The following DNMBP variants were observed in gnomAD, a reference collection of about 807,000 sequenced individuals.
DNMBP encodes dynamin binding protein.
In DNMBP, 87 loss-of-function variants were observed where a neutral mutation model predicts 150.0. The observed-to-expected ratio is 0.58, with a 90% CI of 0.49 to 0.69. The LOEUF (loss-of-function observed/expected upper bound fraction) is 0.69, where lower values mean the gene tolerates loss of function less well. DNMBP is among the 30% of genes least tolerant of loss of function. The pLI is 0.00. For synonymous variants in DNMBP, 711 were observed against 750.4 expected (o/e 0.95, Z 0.86); for missense variants, 1,774 against 1,949.0 (o/e 0.91, Z 1.69).
chr10:100,000,859 CAAAAAAAAA>C (rs36026874), intron 1 of DNMBP, among the ~76,000 whole-genome samples: 1 of 52,510 alleles, frequency 1.9e-5, no homozygotes, highest in Non-Finnish European at 4.0e-5. Context: ...CCTGTTATGG[CAAAAAAAAA>C]AAAAAAAAAA....
At chr10:99,915,363 A>G (rs962780123) in intron 4 of DNMBP, among the ~76,000 whole-genome samples, 7 of 150,578 alleles carry the variant, frequency 4.6e-5, no homozygotes, top group African/African-American at 1.2e-4. Flanking sequence ...TGGGGACTCA[A>G]ACTTAACCAG....
At chr10:99,968,517 T>C (rs914234858) in intron 3 of DNMBP, among the ~76,000 whole-genome samples, 1 of 151,742 alleles carries the variant, frequency 6.6e-6, no homozygotes, top group Non-Finnish European at 1.5e-5. Flanking sequence ...CAAAACCCCA[T>C]CTCTACCAAA....
intron 5 of DNMBP, among the ~76,000 whole-genome samples, chr10:99,908,483 G>A (rs763518671): frequency 1.3e-4 from 20 of 152,328 alleles, no homozygotes; most frequent in Non-Finnish European, 2.6e-4. Context: ...AAGCAACAAG[G>A]ACTATAAACC....
intron 4 of DNMBP, among the ~76,000 whole-genome samples, chr10:99,947,491 A>C (rs1308614706): frequency 1.3e-5 from 2 of 149,768 alleles, no homozygotes; most frequent in Non-Finnish European, 3.0e-5. Context: ...GTTTTCACTT[A>C]TAAGTGGGAG....
At chr10:99,909,222 A>C in intron 4 of DNMBP, 76 bp from the exon 5 acceptor site, 1 of 1,227,834 alleles carries the variant, frequency 8.1e-7, no homozygotes, top group Non-Finnish European at 1.1e-6. Flanking sequence ...GGCAAACAGA[A>C]CCCATTTCCT....
Position 99,956,108 on chromosome 10 carries a change from A to G in DNMBP, c.1366T>C (p.Tyr456His). The G allele has an allele frequency of 6.2e-7, 1 of 1,614,178 alleles. No homozygotes were observed. Reference protein sequence around the residue: ...LLPLEARTRDYASLPPKRMYS... With the variant: ...LLPLEARTRDHASLPPKRMYS... ...ATTCTTTTGGGAGGTAGGCTGGCAT[A>G]GTCTCTAGTCCTTGCTTCTAGGGGA... Residue 456 changes from tyrosine (Y) to histidine (H), a missense_variant, in exon 4 of 17, where the codon TAT becomes CAT. Tyr to His is a moderately conservative substitution (Grantham distance 83). Around this residue, in one of 2 missense-constraint regions of DNMBP, gnomAD observed 1,430 missense variants for 1,492.5 expected, o/e 0.96. Transcript: ENST00000324109.
Position 99,877,059 on chromosome 10 carries a change from G to A in DNMBP, c.*92C>T. 1 of 1,168,438 alleles carries A rather than the reference G, an allele frequency of 8.6e-7. No individual in the cohort carries two copies. Among genetic ancestry groups the A allele is most frequent in the Non-Finnish European group, 1.2e-6 (1 of 821,352 alleles). The allele number at this position is 1,168,438 out of a possible 1,614,324, so 72.4% of individuals were successfully genotyped here. ...GTTAAGCAACGCAGACAGGGCCTGT[G>A]TCTCAGGAGCAGGCGCCCTCTCGGT... is the stretch of plus-strand genomic sequence containing the variant. On this transcript the variant is annotated 3_prime_UTR_variant, in exon 17 of 17. Coordinates refer to ENST00000324109, the MANE Select transcript of DNMBP (RefSeq NM_015221.4).
intron 1 of DNMBP, 49 bp from the exon 2 acceptor site, chr10:99,972,183 T>C: frequency 6.8e-7 from 1 of 1,472,300 alleles, no homozygotes; most frequent in Non-Finnish European, 9.2e-7. Flanking sequence ...TTTAAGACAC[T>C]GCAATATAGA....
intron 10 of DNMBP, among the ~76,000 whole-genome samples, chr10:99,895,274 G>A (rs2039636456): frequency 6.6e-6 from 1 of 152,000 alleles, no homozygotes; most frequent in African/African-American, 2.4e-5. Context: ...TTACAGGCTT[G>A]CATCACCACG....
chr10:99,930,500 T>A, intron 4 of DNMBP: 2 of 703,016 alleles, frequency 2.8e-6, no homozygotes, highest in Non-Finnish European at 5.2e-6. Flanking sequence ...CACAGCCCTT[T>A]CCACTTTCAT....
In DNMBP at chr10:99,907,158, C is replaced by CA. The variant is rs375650729; in HGVS notation, c.2554+836dup. On this transcript the variant is annotated intron_variant, in intron 6 of 16. Coordinates refer to ENST00000324109, the MANE Select transcript of DNMBP (RefSeq NM_015221.4). ...GCAACATGGCAAAACTCCATCTCTA[C>CA]AAAAAAAAAATTACAAAAATTAGCT... 1.7e-3 allele frequency among the ~76,000 whole-genome samples: 253 copies of CA among 147,774 alleles called. 2 individuals are homozygous for CA. The highest frequency in any genetic ancestry group is 5.6e-3 in the African/African-American group (228 of 40,472).
At chr10:100,001,429 T>TG (rs11397912) in intron 1 of DNMBP, among the ~76,000 whole-genome samples, 86 of 144,388 alleles carry the variant, frequency 6.0e-4, no homozygotes, top group Middle Eastern at 3.6e-3. Flanking sequence ...TTTTTTTTTT[T>TG]GAGACAGGGT....
At chr10:99,881,089 G>A (rs1041616819) in intron 15 of DNMBP, among the ~76,000 whole-genome samples, 3 of 152,128 alleles carry the variant, frequency 2.0e-5, no homozygotes, top group Non-Finnish European at 4.4e-5. Context: ...TTAGCCGGAT[G>A]TGGTGGTGCG....
At chr10:99,922,502 GTTTTTTTTT>G (rs71189108) in intron 4 of DNMBP, among the ~76,000 whole-genome samples, 1 of 78,774 alleles carries the variant, frequency 1.3e-5, no homozygotes, top group South Asian at 5.5e-4. Flanking sequence ...AGCTGCTGCT[GTTTTTTTTT>G]TTTTTTTTTT....
Position 99,876,256 on chromosome 10 carries a change from CTG to C in DNMBP, c.*893_*894del, listed in dbSNP as rs1374545035. ...CAGGGGGGCCACCAGACATCACAGA[CTG>C]TGTAAAGACCATCAGAAAGGTGTCA... is the stretch of plus-strand genomic sequence containing the variant. On this transcript the variant is annotated 3_prime_UTR_variant, in exon 17 of 17. Transcript: ENST00000324109. 1.3e-5 allele frequency: 2 copies of C among 152,174 alleles called. No homozygotes were observed. Among genetic ancestry groups the C allele is most frequent in the African/African-American group, 4.8e-5 (2 of 41,422 alleles). The allele number at this position is 152,174 out of a possible 1,614,324, so 9.4% of individuals were successfully genotyped here. A position where few individuals can be genotyped will look rare whatever the true frequency, so the allele number is the denominator to read the frequency against.
chr10:99,957,303 A>C, intron 3 of DNMBP, 98 bp from the exon 4 acceptor site: 3 of 1,026,144 alleles, frequency 2.9e-6, no homozygotes, highest in Non-Finnish European at 4.2e-6. Context: ...CAGCTACCAA[A>C]TTCAAGGAAA....
chr10:99,906,276 C>T (rs149777117), intron 6 of DNMBP, among the ~76,000 whole-genome samples: 7 of 152,194 alleles, frequency 4.6e-5, no homozygotes, highest in South Asian at 2.1e-4. Context: ...TTCTGGCCAA[C>T]GAGAAATAAG....
At chr10:99,995,203 C>T (rs1308581987) in intron 1 of DNMBP, among the ~76,000 whole-genome samples, 1 of 152,032 alleles carries the variant, frequency 6.6e-6, no homozygotes, top group Non-Finnish European at 1.5e-5. Context: ...CAGACGTGGG[C>T]CATCACGCTC....
chr10:99,964,802 C>G (rs906969783), intron 3 of DNMBP, among the ~76,000 whole-genome samples: 5 of 150,578 alleles, frequency 3.3e-5, no homozygotes, highest in African/African-American at 1.2e-4. Flanking sequence ...ACCAACGAGG[C>G]GGAAGTGGCA....
Sources: allele counts gnomAD v4.1 joint callset (sites outside exome capture counted in the v4.1 genomes callset), GRCh38; gene constraint gnomAD v4.1.1; regional missense constraint gnomAD v4.1.1; transcripts MANE v1.5; gene names NCBI Gene and HGNC (gene_info 2026-07-23, HGNC 2026-07-21).